The following PPDPFL variants were observed in gnomAD, a reference collection of about 807,000 sequenced individuals.
The protein encoded by PPDPFL is pancreatic progenitor cell differentiation and proliferation factor like, also known as pancreatic progenitor cell differentiation and proliferation factor-like protein.
PPDPFL carries 12 observed loss-of-function variants against 12.6 expected under a neutral mutation model. That is an observed-to-expected ratio of 0.95 (90% CI 0.61 to 1.54). The LOEUF (loss-of-function observed/expected upper bound fraction) is 1.54, where lower values mean the gene tolerates loss of function less well. Ranked by LOEUF, PPDPFL falls within the 40% of genes most tolerant of loss-of-function variation. PPDPFL has a pLI of 0.00. For synonymous variants in PPDPFL, 24 were observed against 32.7 expected, an observed-to-expected ratio of 0.73 and a Z score of 0.91; for missense variants, 114 against 96.0, an observed-to-expected ratio of 1.19 and a Z score of -0.78.
chr8:49,074,162 A>G (rs778106096), intron 3 of PPDPFL, 26 bp downstream of exon 3: 2 of 1,602,366 alleles, frequency 1.2e-6, no homozygotes, highest in South Asian at 1.1e-5. Flanking sequence ...TTTCAGTGTC[A>G]TCCTTATTAT....
chr8:49,062,837 A>G (rs1808234794), intron 1 of PPDPFL, among the ~76,000 whole-genome samples: 1 of 152,192 alleles, frequency 6.6e-6, no homozygotes, highest in African/African-American at 2.4e-5. Flanking sequence ...GAGGGAAGCT[A>G]GATCAAAAAA....
rs1012637719 is a variant in PPDPFL, at chr8:49,076,035, T to C, written c.*862T>C. The C allele has an allele frequency of 1.3e-5, 2 of 152,198 alleles. No homozygotes were observed. Among genetic ancestry groups the C allele is most frequent in the Non-Finnish European group, 2.9e-5 (2 of 68,038 alleles). 9.4% of individuals were successfully genotyped at this position (152,198 alleles called of 1,614,324 possible). ...ATATTTTTCCATATCTCCCAATTTT[T>C]CTAATATGACAAGTATTGTGCGTAA... On this transcript the variant is annotated 3_prime_UTR_variant, in exon 5 of 5. Coordinates refer to ENST00000522267, the MANE Select transcript of PPDPFL (RefSeq NM_001256597.2).
At position 49,075,596 on chromosome 8, in the gene PPDPFL, G is replaced by A; in HGVS notation, c.*423G>A. On this transcript the variant is annotated 3_prime_UTR_variant, in exon 5 of 5. Coordinates refer to ENST00000522267, the MANE Select transcript of PPDPFL (RefSeq NM_001256597.2). Reference sequence around the variant, plus strand: ...ATTTTTATTAAAAAAACTTAAGTTAGACTCTTTTTCTGTCTGTTGAGTGAT... The same window carrying A: ...ATTTTTATTAAAAAAACTTAAGTTAAACTCTTTTTCTGTCTGTTGAGTGAT... 1 of 294,064 alleles carries A rather than the reference G, an allele frequency of 3.4e-6. No homozygotes were observed. Among genetic ancestry groups the A allele is most frequent in the Non-Finnish European group, 6.4e-6 (1 of 156,630 alleles). The allele number at this position is 294,064 out of a possible 1,614,324, so 18.2% of individuals were successfully genotyped here.
At chr8:49,071,833 A>G (rs1180554141), upstream of PPDPFL, among the ~76,000 whole-genome samples, 1 of 152,174 alleles carries the variant, frequency 6.6e-6, no homozygotes, top group African/African-American at 2.4e-5. Flanking sequence ...CTCACTGTCC[A>G]TCTGTCCATC....
chr8:49,072,222 A>C (rs1373667909), upstream of PPDPFL: 1 of 152,452 alleles, frequency 6.6e-6, no homozygotes, highest in Non-Finnish European at 1.5e-5. Flanking sequence ...GCAGACGTGC[A>C]GAGAGTGCTT....
At chr8:49,056,269 A>G (rs1423348996) in intron 1 of PPDPFL, among the ~76,000 whole-genome samples, 9 of 152,030 alleles carry the variant, frequency 5.9e-5, no homozygotes, top group Non-Finnish European at 2.9e-5. Flanking sequence ...CATTTAGAGC[A>G]CCCTTCCTTG....
At chr8:49,072,990 G>A in intron 2 of PPDPFL, 105 bp downstream of exon 2, 4 of 1,014,100 alleles carry the variant, frequency 3.9e-6, no homozygotes, top group Non-Finnish European at 5.9e-6. Context: ...ACTTAAGGGA[G>A]AGAACTATTG....
In PPDPFL at chr8:49,066,487, G is replaced by A. The variant is rs151090628; in HGVS notation, c.-44-6300G>A. Reference sequence around the variant, plus strand: ...TTTTTCCTGAGTGACTCCCAGAAGTGCAATAGCTCTCAGGACAGAGTTTAC... The same window carrying A: ...TTTTTCCTGAGTGACTCCCAGAAGTACAATAGCTCTCAGGACAGAGTTTAC... On this transcript the variant is annotated intron_variant, in intron 1 of 4. Coordinates refer to the PPDPFL transcript ENST00000517663. 3.2e-3 allele frequency among the ~76,000 whole-genome samples: 481 copies of A among 152,248 alleles called. 2 individuals are homozygous for A. Among genetic ancestry groups the A allele is most frequent in the African/African-American group, 0.011 (451 of 41,550 alleles).
At chr8:49,069,134 A>C, upstream of PPDPFL, among the ~76,000 whole-genome samples, 1 of 152,226 alleles carries the variant, frequency 6.6e-6, no homozygotes, top group East Asian at 1.9e-4. Context: ...AAGACAAAGC[A>C]AATATCCACT....
intron 1 of PPDPFL, among the ~76,000 whole-genome samples, chr8:49,058,695 A>G (rs1808148532): frequency 1.3e-5 from 2 of 152,256 alleles, no homozygotes; most frequent in African/African-American, 4.8e-5. Flanking sequence ...TCATCAAGAA[A>G]GAAGGAGCCA....
upstream of PPDPFL, among the ~76,000 whole-genome samples, chr8:49,070,707 T>C (rs1340625456): frequency 1.3e-5 from 2 of 152,196 alleles, no homozygotes; most frequent in African/African-American, 2.4e-5. Context: ...TCAGGTGAAG[T>C]AGATATTTAT....
rs569884313 is a variant in PPDPFL, at chr8:49,073,871, A to T, written c.56-188A>T. 9.8e-5 allele frequency among the ~76,000 whole-genome samples: 15 copies of T among 152,340 alleles called. 1 individual carries two copies. In the East Asian group the frequency reaches 1.4e-3, roughly 14 times the overall value. Reference sequence around the variant, plus strand: ...GAAATGAGTATATCTTATCAGTAGAACATAGTATTTCTTAATATAGCAGCT... The same window carrying T: ...GAAATGAGTATATCTTATCAGTAGATCATAGTATTTCTTAATATAGCAGCT... On this transcript the variant is annotated intron_variant, in intron 2 of 4. Coordinates refer to ENST00000522267, the MANE Select transcript of PPDPFL (RefSeq NM_001256597.2).
chr8:49,063,125 T>C (rs2129244201), intron 1 of PPDPFL, among the ~76,000 whole-genome samples: 1 of 152,354 alleles, frequency 6.6e-6, no homozygotes, highest in Admixed American at 6.5e-5. Context: ...ACATGCTTGT[T>C]AGGGCGGTAT....
chr8:49,063,039 A>T (rs908087618), intron 1 of PPDPFL, among the ~76,000 whole-genome samples: 1 of 152,200 alleles, frequency 6.6e-6, no homozygotes, highest in Admixed American at 6.5e-5. Flanking sequence ...GAATTGAAGT[A>T]CATGACATTT....
At chr8:49,056,102 C>T (rs1457208278) in intron 1 of PPDPFL, among the ~76,000 whole-genome samples, 2 of 152,062 alleles carry the variant, frequency 1.3e-5, no homozygotes, top group East Asian at 3.9e-4. Flanking sequence ...TAAAGCTTCC[C>T]CTCATGCTCA....
chr8:49,074,148 T>A lies in PPDPFL; in HGVS notation c.133+12T>A. On this transcript the variant is annotated intron_variant, in intron 3 of 4. Coordinates refer to ENST00000522267, the MANE Select transcript of PPDPFL (RefSeq NM_001256597.2). ...CAAACCACAGCAAGGTACTTAGTTA[T>A]TTCTTTCAGTGTCATCCTTATTATT... The A allele has an allele frequency of 1.9e-6, 3 of 1,607,272 alleles. No individual in the cohort carries two copies. The highest frequency in any genetic ancestry group is 2.6e-6 in the Non-Finnish European group (3 of 1,173,882).
At chr8:49,060,016 T>A (rs1167299419) in intron 1 of PPDPFL, among the ~76,000 whole-genome samples, 5 of 152,208 alleles carry the variant, frequency 3.3e-5, no homozygotes, top group African/African-American at 1.2e-4. Context: ...TTTAGCAGGG[T>A]TTATTTCCAT....
At chr8:49,062,492 A>G (rs866715655) in intron 1 of PPDPFL, among the ~76,000 whole-genome samples, 16 of 152,216 alleles carry the variant, frequency 1.1e-4, no homozygotes, top group South Asian at 2.1e-4. Context: ...TTTTCCTAAA[A>G]TGAAAAAGAG....
intron 1 of PPDPFL, among the ~76,000 whole-genome samples, chr8:49,064,060 G>C (rs1808255683): frequency 6.6e-6 from 1 of 152,110 alleles, no homozygotes; most frequent in African/African-American, 2.4e-5. Flanking sequence ...TGAAGCGCCA[G>C]ATCTCCATAG....
Sources: gnomAD v4.1 joint callset for allele counts (sites outside exome capture counted in the v4.1 genomes callset) on GRCh38, gnomAD v4.1.1 for gene constraint, MANE v1.5 for transcripts, NCBI Gene and HGNC (gene_info 2026-07-23, HGNC 2026-07-21) for gene names.